ERCC6: variants seen among roughly 807,000 people sequenced by gnomAD.
ERCC6 encodes the protein ERCC excision repair 6, chromatin remodeling factor, also known as DNA excision repair protein ERCC-6.
In ERCC6, 116 loss-of-function variants were observed where a neutral mutation model predicts 158.7. The observed-to-expected ratio is 0.73, with a 90% CI of 0.63 to 0.85. The LOEUF is 0.85. ERCC6 is among the 40% of genes least tolerant of loss of function. The pLI, the probability that ERCC6 is intolerant of heterozygous loss-of-function variation, is 0.00. For synonymous variants in ERCC6, 678 were observed against 659.3 expected (o/e 1.03, Z -0.43); for missense variants, 1,698 against 1,799.4 (o/e 0.94, Z 1.02).
At position 49,458,882 on chromosome 10, in the gene ERCC6, T is replaced by C; in HGVS notation, c.4415A>G (p.Asn1472Ser). ...AGAAGTTCTATGGAAAGTGCACAGATTTCTCAATAGTTCTCGGAAGACACA... is the reference window on the plus strand; with the variant it reads ...AGAAGTTCTATGGAAAGTGCACAGACTTCTCAATAGTTCTCGGAAGACACA... ...QSCVFRELLR[N>S]LCTFHRTSGG... Residue 1472 changes from asparagine to serine, a missense_variant, in exon 21 of 21, where the codon AAT (asparagine) becomes AGT (serine). Physicochemically the swap from Asn to Ser is conservative, Grantham distance 46. Transcript: ENST00000355832. The C allele has an allele frequency of 6.2e-7, 1 of 1,614,232 alleles. No homozygotes were observed. The highest frequency in any genetic ancestry group is 8.5e-7 in the Non-Finnish European group (1 of 1,180,028).
At chr10:49,460,282 CA>C (rs1411531028) in intron 20 of ERCC6, 90 bp downstream of exon 20, 12 of 887,150 alleles carry the variant, frequency 1.4e-5, no homozygotes, top group Non-Finnish European at 1.9e-5. Flanking sequence ...CAGAGATGAC[CA>C]TTTTCTTCAC....
At chr10:49,520,829 C>A (rs566673364) in intron 5 of ERCC6, among the ~76,000 whole-genome samples, 4 of 152,276 alleles carry the variant, frequency 2.6e-5, no homozygotes, top group East Asian at 3.9e-4. Flanking sequence ...CCAAGGCAAT[C>A]CAAATGAGAA....
In ERCC6 at chr10:49,470,558, T is replaced by C; in HGVS notation, c.3402A>G (p.Gly1134=). 6.2e-7 allele frequency: 1 copy of C among 1,614,212 alleles called. No homozygotes were observed. The highest frequency in any genetic ancestry group is 8.5e-7 in the Non-Finnish European group (1 of 1,180,024). The change falls in exon 18 of 21, where the codon GGA becomes GGG. Residue 1134 remains glycine, a synonymous_variant. Transcript: ENST00000355832. ...CAGATGGCATAGAAGTTTTGCCTGT[T>C]CCTGAAGAATTTGAACATTCCCCAT... ...SGNGECSNSS[G]TGKTSMPSGD... is the part of the protein sequence containing the mutation.
rs1440619945 is a variant in ERCC6 at position 49,458,965 on chromosome 10, C to A, written c.4332G>T (p.Gln1444His). The change falls in exon 21 of 21, where the codon CAG becomes CAT. Residue 1444 changes from glutamine (Q) to histidine (H), a missense_variant. By Grantham distance (24) the Gln-to-His change is conservative. Transcript: ENST00000355832. Reference sequence around the variant, plus strand: ...CCTGCAGTATCTCCCTGGTGCTGGCCTGGCCATCAGTGTGGGCCTGGAAAG... The same window carrying A: ...CCTGCAGTATCTCCCTGGTGCTGGCATGGCCATCAGTGTGGGCCTGGAAAG... ...FIAFQAHTDG[Q>H]ASTREILQEF... 1 of 1,614,188 alleles carries A rather than the reference C, an allele frequency of 6.2e-7. No individual in the cohort carries two copies. Among genetic ancestry groups the A allele is most frequent in the East Asian group, 2.2e-5 (1 of 44,874 alleles).
chr10:49,523,098 T>A (rs1434122156), intron 5 of ERCC6, among the ~76,000 whole-genome samples: 1 of 152,210 alleles, frequency 6.6e-6, no homozygotes, highest in African/African-American at 2.4e-5. Flanking sequence ...TACAACAAAC[T>A]AGGTCTCTTC....
At chr10:49,504,099 C>G (rs4253107) in intron 6 of ERCC6, 1 of 152,168 alleles carries the variant, frequency 6.6e-6, no homozygotes, top group East Asian at 1.9e-4. Context: ...AACTCTATAC[C>G]CTGTCAATTC....
chr10:49,521,756 A>G (rs1837169905), intron 5 of ERCC6, among the ~76,000 whole-genome samples: 1 of 152,222 alleles, frequency 6.6e-6, no homozygotes, highest in Non-Finnish European at 1.5e-5. Flanking sequence ...AAAATGGTTA[A>G]AACTTCAAAG....
chr10:49,451,848 A>G (rs1007371087), downstream of ERCC6, among the ~76,000 whole-genome samples: 9 of 152,178 alleles, frequency 5.9e-5, no homozygotes, highest in African/African-American at 2.2e-4. Context: ...ACACAGTGGT[A>G]AAACTGTCTG....
At chr10:49,454,431 G>T (rs925277758), downstream of ERCC6, among the ~76,000 whole-genome samples, 2 of 152,184 alleles carry the variant, frequency 1.3e-5, no homozygotes, top group African/African-American at 4.8e-5. Flanking sequence ...GAGTGAGTGT[G>T]TTGTGGCTGA....
chr10:49,468,328 G>T (rs530267021), intron 18 of ERCC6, among the ~76,000 whole-genome samples: 1 of 152,288 alleles, frequency 6.6e-6, no homozygotes, highest in African/African-American at 2.4e-5. Context: ...TTTCAACAGA[G>T]GGTCTGCCTG....
At chr10:49,515,462 T>C in intron 5 of ERCC6, 1 of 1,614,192 alleles carries the variant, frequency 6.2e-7, no homozygotes, top group Non-Finnish European at 8.5e-7. Flanking sequence ...TCACATGATT[T>C]ATGCCATCAT....
At chr10:49,489,513 C>G (rs1474900071) in intron 8 of ERCC6, among the ~76,000 whole-genome samples, 2 of 152,176 alleles carry the variant, frequency 1.3e-5, no homozygotes, top group African/African-American at 4.8e-5. Context: ...AAGATTCGAA[C>G]CCTGGTCTTG....
intron 12 of ERCC6, chr10:49,475,370 C>A (rs1350806708): frequency 2.3e-6 from 1 of 436,762 alleles, no homozygotes; most frequent in Non-Finnish European, 4.6e-6. Flanking sequence ...AGAAAATTTA[C>A]AATTCCAAGT....
rs371739894 is a variant in ERCC6 at position 49,505,883 on chromosome 10, C to A, written c.1526+1G>T. On this transcript the variant is annotated splice_donor_variant, in intron 6 of 20. Transcript: ENST00000355832. LOFTEE classifies it high-confidence loss of function. Reference sequence around the variant, plus strand: ...GAAAGGAAAGAACATATGGTACATACTTAAAAAGCTTTTTGAACAGAAAAC... The same window carrying A: ...GAAAGGAAAGAACATATGGTACATAATTAAAAAGCTTTTTGAACAGAAAAC... 1.7e-5 allele frequency: 27 copies of A among 1,612,938 alleles called. No individual in the cohort carries two copies. The highest frequency in any genetic ancestry group is 2.2e-5 in the Non-Finnish European group (26 of 1,179,384).
intron 5 of ERCC6, among the ~76,000 whole-genome samples, chr10:49,519,154 G>A (rs1590463840): frequency 6.6e-6 from 1 of 152,236 alleles, no homozygotes; most frequent in East Asian, 1.9e-4. Flanking sequence ...ATGGAGGTGG[G>A]GGCAGCTATG....
intron 16 of ERCC6, 44 bp from the exon 17 acceptor site, chr10:49,471,164 C>A: frequency 1.2e-6 from 2 of 1,600,012 alleles, no homozygotes; most frequent in South Asian, 1.1e-5. Flanking sequence ...ATGTGTAGCT[C>A]TACCTAAAAA....
chr10:49,459,815 C>T (rs1850546352), intron 20 of ERCC6, among the ~76,000 whole-genome samples: 1 of 152,182 alleles, frequency 6.6e-6, no homozygotes, highest in South Asian at 2.1e-4. Flanking sequence ...TATTCCTAAA[C>T]ATGTTCACAT....
At chr10:49,448,248 G>A in the ERCC6 span, among the ~76,000 whole-genome samples, 1 of 152,134 alleles carries the variant, frequency 6.6e-6, no homozygotes, top group Non-Finnish European at 1.5e-5. Context: ...ACTGTGAAGT[G>A]GTACCTCATC....
rs533452156 is a variant in ERCC6 at position 49,484,019 on chromosome 10, C to T, written c.1822-503G>A. Among the ~76,000 whole-genome samples, 6 of 152,014 alleles carry T rather than the reference C, an allele frequency of 3.9e-5. No homozygotes were observed. In the South Asian group the frequency reaches 1.2e-3, roughly 32 times the overall value. On this transcript the variant is annotated intron_variant, in intron 8 of 20. Transcript: ENST00000355832. ...AAAAGCCGGGTACAGTGGCTCACAA[C>T]TGTAATCCCAGCACTTTGGGAGGCT...
Sources: allele counts gnomAD v4.1 joint callset (sites outside exome capture counted in the v4.1 genomes callset), GRCh38; gene constraint gnomAD v4.1.1; transcripts MANE v1.5; gene names NCBI Gene and HGNC (gene_info 2026-07-23, HGNC 2026-07-21).